FAM114A1: variants seen among roughly 807,000 people sequenced by gnomAD.
The protein encoded by FAM114A1 is family with sequence similarity 114 member A1, also known as protein NOXP20.
A neutral mutation model predicts 64.3 loss-of-function variants in FAM114A1; 62 were observed. That is an observed-to-expected ratio of 0.96 (90% CI 0.79 to 1.19). The LOEUF (loss-of-function observed/expected upper bound fraction) is 1.19, where lower values mean the gene tolerates loss of function less well. FAM114A1 is among the 50% of genes most tolerant of loss of function. FAM114A1 has a pLI of 0.00. For synonymous variants in FAM114A1, 254 were observed against 251.1 expected, an observed-to-expected ratio of 1.01 and a Z score of -0.11; for missense variants, 645 against 676.3, an observed-to-expected ratio of 0.95 and a Z score of 0.51.
chr4:38,911,414 G>A (rs554662277), intron 7 of FAM114A1, among the ~76,000 whole-genome samples: 2 of 152,318 alleles, frequency 1.3e-5, no homozygotes, highest in South Asian at 4.1e-4. Context: ...GCTGGATTTC[G>A]AAGTCCAGCA....
At chr4:38,913,598 C>G (rs1718765377) in intron 7 of FAM114A1, among the ~76,000 whole-genome samples, 2 of 151,958 alleles carry the variant, frequency 1.3e-5, no homozygotes, top group Admixed American at 1.3e-4. Context: ...TCCACCATGC[C>G]AGGCTGGTCT....
intron 1 of FAM114A1, 188 bp downstream of exon 1, chr4:38,868,022 G>A: frequency 2.4e-6 from 1 of 422,526 alleles, no homozygotes; most frequent in Non-Finnish European, 4.8e-6. Context: ...GTCTGGGGCG[G>A]CGCGGCCGAG....
chr4:38,871,561 G>C (rs1714084304), intron 2 of FAM114A1, among the ~76,000 whole-genome samples: 1 of 152,076 alleles, frequency 6.6e-6, no homozygotes, highest in Admixed American at 6.5e-5. Context: ...TTACAGCTGA[G>C]TTTCTGGGGT....
chr4:38,881,691 TTAG>T (rs1715290281), intron 3 of FAM114A1, among the ~76,000 whole-genome samples: 1 of 152,234 alleles, frequency 6.6e-6, no homozygotes, highest in South Asian at 2.1e-4. Context: ...ACTGTCTCTC[TTAG>T]TAGCTTATCC....
intron 3 of FAM114A1, among the ~76,000 whole-genome samples, chr4:38,890,402 AAAAAAAAAAAC>A: frequency 1.6e-5 from 1 of 62,680 alleles, no homozygotes; most frequent in East Asian, 5.6e-4. Flanking sequence ...ACTCCGTCTC[AAAAAAAAAAAC>A]AAAAAAAAAC....
chr4:38,897,786 A>C (rs1191251818), intron 4 of FAM114A1, among the ~76,000 whole-genome samples: 1 of 152,098 alleles, frequency 6.6e-6, no homozygotes, highest in Non-Finnish European at 1.5e-5. Flanking sequence ...CTAAAAAAAA[A>C]AAATACAAAA....
chr4:38,926,999 G>A (rs560278386), intron 9 of FAM114A1, among the ~76,000 whole-genome samples: 17 of 152,278 alleles, frequency 1.1e-4, no homozygotes, highest in South Asian at 8.3e-4. Flanking sequence ...AAAGACAGCC[G>A]TCTCTGCCTC....
Position 38,918,093 on chromosome 4 carries a change from G to A in FAM114A1, c.945+3020G>A, listed in dbSNP as rs56811263. Among the ~76,000 whole-genome samples the A allele has an allele frequency of 9.7e-3, 1,469 of 151,880 alleles. 22 individuals carry two copies. Among genetic ancestry groups the A allele is most frequent in the African/African-American group, 0.034 (1,401 of 41,412 alleles). On this transcript the variant is annotated intron_variant, in intron 8 of 14. Coordinates refer to ENST00000358869, the MANE Select transcript of FAM114A1 (RefSeq NM_138389.4). The stretch of plus-strand genomic sequence containing the variant: ...TACAAAATTAGCCGGGCATGGTGAC[G>A]CATGCCTTTAATCCCAGCTATTCGG...
At chr4:38,880,010 G>A (rs1181111817) in intron 3 of FAM114A1, among the ~76,000 whole-genome samples, 1 of 151,930 alleles carries the variant, frequency 6.6e-6, no homozygotes, top group Non-Finnish European at 1.5e-5. Flanking sequence ...AGGCTGCAGT[G>A]AGCCGAGATT....
At chr4:38,938,717 G>C (rs1456371394) in intron 13 of FAM114A1, 1 of 152,156 alleles carries the variant, frequency 6.6e-6, no homozygotes, top group African/African-American at 2.4e-5. Context: ...CAGTTTACTA[G>C]GTGAGGAAAC....
At chr4:38,904,637 T>G (rs1272488689) in intron 4 of FAM114A1, among the ~76,000 whole-genome samples, 1 of 152,220 alleles carries the variant, frequency 6.6e-6, no homozygotes, top group Non-Finnish European at 1.5e-5. Flanking sequence ...TTTTGATTTT[T>G]GGATGTCAGC....
intron 2 of FAM114A1, among the ~76,000 whole-genome samples, chr4:38,875,604 T>C (rs1714535218): frequency 6.6e-6 from 1 of 152,244 alleles, no homozygotes; most frequent in South Asian, 2.1e-4. Flanking sequence ...TGTAGAATCA[T>C]ATCATCTGCA....
intron 12 of FAM114A1, 84 bp from the exon 13 acceptor site, chr4:38,935,634 G>T (rs1256248954): frequency 1.1e-6 from 1 of 923,220 alleles, no homozygotes. Flanking sequence ...ATGTCATACT[G>T]AATTAGTATC....
intron 8 of FAM114A1, among the ~76,000 whole-genome samples, chr4:38,920,764 C>T (rs995631230): frequency 9.2e-5 from 14 of 152,342 alleles, no homozygotes; most frequent in East Asian, 3.9e-4. Context: ...CGTTGATGCA[C>T]ATCTGGGACC....
At chr4:38,906,532 G>A in intron 6 of FAM114A1, among the ~76,000 whole-genome samples, 1 of 151,956 alleles carries the variant, frequency 6.6e-6, no homozygotes, top group Admixed American at 6.6e-5. Flanking sequence ...GATTTATTTT[G>A]TTTTTTCTTT....
intron 4 of FAM114A1, among the ~76,000 whole-genome samples, chr4:38,899,277 A>G (rs1009872362): frequency 1.3e-5 from 2 of 152,152 alleles, no homozygotes; most frequent in African/African-American, 4.8e-5. Context: ...GTCTTAACCT[A>G]TCCCATTGGG....
At chr4:38,892,927 T>C (rs985659767) in intron 4 of FAM114A1, among the ~76,000 whole-genome samples, 7 of 152,248 alleles carry the variant, frequency 4.6e-5, no homozygotes, top group African/African-American at 1.7e-4. Flanking sequence ...TAATTCCATC[T>C]CTGTCAAATA....
chr4:38,936,089 GTTTTTTTTGTT>G (rs1370909204), intron 13 of FAM114A1, among the ~76,000 whole-genome samples: 2 of 144,572 alleles, frequency 1.4e-5, no homozygotes, highest in African/African-American at 5.5e-5. Flanking sequence ...TTTTTGTTTT[GTTTTTTTTGTT>G]TTTTTTTTTT....
chr4:38,893,904 T>G (rs532377244), intron 4 of FAM114A1, among the ~76,000 whole-genome samples: 1 of 152,274 alleles, frequency 6.6e-6, no homozygotes, highest in African/African-American at 2.4e-5. Context: ...GGCTCACGCC[T>G]GTAATCCCGG....
Sources: allele counts gnomAD v4.1 joint callset (sites outside exome capture counted in the v4.1 genomes callset), GRCh38; gene constraint gnomAD v4.1.1; transcripts MANE v1.5; gene names NCBI Gene and HGNC (gene_info 2026-07-23, HGNC 2026-07-21).